SIAH3: variants seen among roughly 807,000 people sequenced by gnomAD.
SIAH3 encodes seven in absentia homolog 3.
SIAH3 carries 9 observed loss-of-function variants against 12.6 expected under a neutral mutation model. The ratio of observed to expected loss-of-function variants is 0.72; its 90% confidence interval spans 0.43 to 1.25. SIAH3 has a LOEUF of 1.25. Among genes scored for constraint, SIAH3 ranks in the 50% most tolerant of loss-of-function variants. SIAH3 has a pLI of 0.00. For synonymous variants in SIAH3, 154 were observed against 151.1 expected (o/e 1.02, Z -0.14); for missense variants, 390 against 365.4 (o/e 1.07, Z -0.55).
chr13:45,820,124 T>C (rs1950650324), intron 1 of SIAH3, among the ~76,000 whole-genome samples: 1 of 152,214 alleles, frequency 6.6e-6, no homozygotes, highest in Admixed American at 6.5e-5. Flanking sequence ...TATGTGTCTC[T>C]TAAAGGCCCC....
intron 1 of SIAH3, among the ~76,000 whole-genome samples, chr13:45,821,739 C>T (rs1209021467): frequency 6.6e-6 from 1 of 152,176 alleles, no homozygotes; most frequent in African/African-American, 2.4e-5. Flanking sequence ...GAAATAGCTG[C>T]GCTCAATTCT....
intron 1 of SIAH3, among the ~76,000 whole-genome samples, chr13:45,816,241 G>C (rs1950633946): frequency 6.6e-6 from 1 of 152,338 alleles, no homozygotes; most frequent in Non-Finnish European, 1.5e-5. Context: ...AACTCCAGGA[G>C]CCCTTGCCTC....
chr13:45,801,824 T>C (rs568432592), intron 1 of SIAH3, among the ~76,000 whole-genome samples: 7 of 152,304 alleles, frequency 4.6e-5, no homozygotes, highest in African/African-American at 1.4e-4. Context: ...GCTGATATTC[T>C]GCATGCTCCA....
chr13:45,820,410 C>T (rs1456012891), intron 1 of SIAH3, among the ~76,000 whole-genome samples: 1 of 152,186 alleles, frequency 6.6e-6, no homozygotes, highest in Non-Finnish European at 1.5e-5. Context: ...CCTCACACTA[C>T]TGCATTCTGG....
At chr13:45,833,975 A>G (rs751123323) in intron 1 of SIAH3, among the ~76,000 whole-genome samples, 43 of 150,324 alleles carry the variant, frequency 2.9e-4, no homozygotes, top group Admixed American at 4.7e-4. Flanking sequence ...ATGCTTTCTT[A>G]TTTTTCGCCC....
rs1406192850 is a variant in SIAH3 at position 45,783,560 on chromosome 13, G to A, written c.633C>T (p.Arg211=). 6.2e-7 allele frequency: 1 copy of A among 1,614,232 alleles called. No homozygotes were observed. Among genetic ancestry groups the A allele is most frequent in the Non-Finnish European group, 8.5e-7 (1 of 1,180,036 alleles). Residue 211 remains arginine, a synonymous_variant, in exon 2 of 2, where the codon CGC becomes CGT. Transcript: ENST00000400405. ...YRLELNRNHR[R]LKWEATPRSV... is the part of the protein sequence containing the mutation. ...ACCGGGGCGTGGCCTCCCACTTGAG[G>A]CGCCGATGGTTTCTGTTGAGCTCCA...
At chr13:45,848,838 C>T (rs751189972) in intron 1 of SIAH3, among the ~76,000 whole-genome samples, 3 of 152,138 alleles carry the variant, frequency 2.0e-5, no homozygotes, top group Admixed American at 6.5e-5. Context: ...TGGGGAAGCA[C>T]GGCAGATCAA....
intron 1 of SIAH3, among the ~76,000 whole-genome samples, chr13:45,848,560 C>A (rs1409256658): frequency 1.3e-5 from 2 of 152,164 alleles, no homozygotes; most frequent in Non-Finnish European, 2.9e-5. Context: ...TGAAGGTGAC[C>A]TATAGAAGCA....
intron 1 of SIAH3, among the ~76,000 whole-genome samples, chr13:45,801,804 A>G (rs1207139461): frequency 6.6e-6 from 1 of 152,214 alleles, no homozygotes; most frequent in Non-Finnish European, 1.5e-5. Flanking sequence ...CTGGGCAATA[A>G]CATCTGCTGG....
intron 1 of SIAH3, among the ~76,000 whole-genome samples, chr13:45,832,236 G>A (rs146854966): frequency 3.9e-5 from 6 of 152,302 alleles, no homozygotes; most frequent in Admixed American, 6.5e-5. Flanking sequence ...ATGTGTAAGC[G>A]TACAATTCAG....
chr13:45,846,918 A>G (rs1386155723), intron 1 of SIAH3, among the ~76,000 whole-genome samples: 1 of 152,214 alleles, frequency 6.6e-6, no homozygotes, highest in African/African-American at 2.4e-5. Context: ...ATTAACCAGA[A>G]AAGCCGCACG....
At chr13:45,833,412 C>A (rs1420288354) in intron 1 of SIAH3, among the ~76,000 whole-genome samples, 1 of 152,040 alleles carries the variant, frequency 6.6e-6, no homozygotes, top group Non-Finnish European at 1.5e-5. Context: ...TGGTACTGAC[C>A]AGCTGCTTGC....
At chr13:45,800,733 G>A (rs147398219) in intron 1 of SIAH3, among the ~76,000 whole-genome samples, 172 of 152,290 alleles carry the variant, frequency 1.1e-3, no homozygotes, top group African/African-American at 3.9e-3. Flanking sequence ...ATCTCAGCCC[G>A]TCATGCGAAA....
At chr13:45,810,227 T>C (rs938023318) in intron 1 of SIAH3, among the ~76,000 whole-genome samples, 2 of 152,074 alleles carry the variant, frequency 1.3e-5, no homozygotes, top group Non-Finnish European at 2.9e-5. Flanking sequence ...CAGAGACGAG[T>C]GGCCCAGTCC....
chr13:45,785,214 G>C lies in SIAH3; in HGVS notation c.136-1157C>G, dbSNP rs376392437. ...CTTCTTTTCCGTAATTAGCCTGCAT[G>C]GTCTAGGTCACACAGGGGAGGTGGC... is the stretch of plus-strand genomic sequence containing the variant. On this transcript the variant is annotated intron_variant, in intron 1 of 1. Transcript: ENST00000400405. Among the ~76,000 whole-genome samples, 28 of 152,288 alleles carry C rather than the reference G, an allele frequency of 1.8e-4. No homozygotes were observed. In the South Asian group the frequency reaches 4.2e-3, roughly 23 times the overall value.
At chr13:45,815,455 T>C (rs1407388887) in intron 1 of SIAH3, among the ~76,000 whole-genome samples, 1 of 152,206 alleles carries the variant, frequency 6.6e-6, no homozygotes, top group Admixed American at 6.5e-5. Context: ...TCTGCCTGCC[T>C]GCCTGTTCTG....
chr13:45,783,227 C>T lies in SIAH3; in HGVS notation c.*156G>A, dbSNP rs1197195973. 1.1e-5 allele frequency: 5 copies of T among 449,974 alleles called. No homozygotes were observed. In the Admixed American group the frequency reaches 1.2e-4, roughly 11 times the overall value. The allele number at this position is 449,974 out of a possible 1,614,324, so 27.9% of individuals were successfully genotyped here. ...TGCCCATGGCAGACAAAAACTAAAT[C>T]TCACAAAGTACCTGAGACAAAAAAA... On this transcript the variant is annotated 3_prime_UTR_variant, in exon 2 of 2. Coordinates refer to ENST00000400405, the MANE Select transcript of SIAH3 (RefSeq NM_198849.3).
intron 1 of SIAH3, among the ~76,000 whole-genome samples, chr13:45,810,816 T>C (rs1950614108): frequency 6.6e-6 from 1 of 152,212 alleles, no homozygotes; most frequent in Non-Finnish European, 1.5e-5. Context: ...ATTGTTGCCA[T>C]GGACCTTTTA....
rs1324143021 is a variant in SIAH3 at position 45,777,355 on chromosome 13, G to A, written c.*6028C>T. 1 of 152,076 alleles carries A rather than the reference G, an allele frequency of 6.6e-6. No homozygotes were observed. Among genetic ancestry groups the A allele is most frequent in the East Asian group, 1.9e-4 (1 of 5,200 alleles). 9.4% of individuals were successfully genotyped at this position (152,076 alleles called of 1,614,324 possible). A position where few individuals can be genotyped will look rare whatever the true frequency, so the allele number is the denominator to read the frequency against. ...GTCTTTAACATTATAAGAAAGCATAGAAAATTATATATACATTAATTCAGG... is the reference window on the plus strand; with the variant it reads ...GTCTTTAACATTATAAGAAAGCATAAAAAATTATATATACATTAATTCAGG... On this transcript the variant is annotated 3_prime_UTR_variant, in exon 2 of 2. Transcript: ENST00000400405.
Sources: gnomAD v4.1 joint callset for allele counts (sites outside exome capture counted in the v4.1 genomes callset) on GRCh38, gnomAD v4.1.1 for gene constraint, MANE v1.5 for transcripts, NCBI Gene and HGNC (gene_info 2026-07-23, HGNC 2026-07-21) for gene names.